Variants in BTBD9 observed in about 807,000 individuals in gnomAD.
BTBD9 encodes the protein BTB domain containing 9, also known as BTB/POZ domain-containing protein 9.
In BTBD9, 49 loss-of-function variants were observed where a neutral mutation model predicts 64.3. The ratio of observed to expected loss-of-function variants is 0.76; its 90% CI spans 0.61 to 0.97. The LOEUF (loss-of-function observed/expected upper bound fraction) is 0.97. Ranked by LOEUF, BTBD9 falls within the 50% of genes least tolerant of loss-of-function variation. The pLI, the probability that BTBD9 is intolerant of heterozygous loss-of-function variation, is 0.00. For synonymous variants in BTBD9, 260 were observed against 274.7 expected, an observed-to-expected ratio of 0.95 and a Z score of 0.53; for missense variants, 598 against 762.1, an observed-to-expected ratio of 0.78 and a Z score of 2.53.
rs567464640 is a variant in BTBD9 at position 38,308,769 on chromosome 6, C to T, written c.1265-20308G>A. 5.9e-5 allele frequency among the ~76,000 whole-genome samples: 9 copies of T among 151,836 alleles called. No homozygotes were observed. In the East Asian group the frequency reaches 1.8e-3, roughly 30 times the overall value. On this transcript the variant is annotated intron_variant, in intron 7 of 10. Coordinates refer to ENST00000481247, the MANE Select transcript of BTBD9 (RefSeq NM_001099272.2). ...TACAGGTATGTGCCACCAAGCCTGG[C>T]TTATTTATTTATTTATTTATTTTTT...
At position 38,577,701 on chromosome 6, in the gene BTBD9, A is replaced by G; in HGVS notation, c.1053T>C (p.Ile351=). ...DRDSRSYSYF[I]EVSMDELDWV... The stretch of plus-strand genomic sequence containing the variant: ...AATCAAGTTCATCCATTGACACTTC[A>G]ATGAAGTATGAGTAAGACCTGTGAA... The change falls in exon 6 of 11, where the codon ATT becomes ATC. Residue 351 remains isoleucine, a synonymous_variant. Coordinates refer to ENST00000481247, the MANE Select transcript of BTBD9 (RefSeq NM_001099272.2). The G allele has an allele frequency of 6.2e-7, 1 of 1,609,210 alleles. No individual in the cohort carries two copies. The highest frequency in any genetic ancestry group is 8.5e-7 in the Non-Finnish European group (1 of 1,179,454).
intron 6 of BTBD9, among the ~76,000 whole-genome samples, chr6:38,528,192 C>A (rs1218810174): frequency 6.6e-6 from 1 of 152,104 alleles, no homozygotes; most frequent in Admixed American, 6.5e-5. Flanking sequence ...CAGCACTGGG[C>A]AGAACTCAGT....
chr6:38,617,494 T>C (rs1344244284), intron 1 of BTBD9, among the ~76,000 whole-genome samples: 1 of 152,206 alleles, frequency 6.6e-6, no homozygotes, highest in Non-Finnish European at 1.5e-5. Flanking sequence ...TTCAGGACTC[T>C]GTTCCCTTCT....
At chr6:38,313,277 T>C (rs751685040) in intron 7 of BTBD9, among the ~76,000 whole-genome samples, 2 of 152,224 alleles carry the variant, frequency 1.3e-5, no homozygotes, top group Non-Finnish European at 2.9e-5. Context: ...TAATAATTTT[T>C]TGGTGGAGTC....
At chr6:38,521,487 T>C (rs1773270030) in intron 6 of BTBD9, among the ~76,000 whole-genome samples, 1 of 152,238 alleles carries the variant, frequency 6.6e-6, no homozygotes, top group African/African-American at 2.4e-5. Context: ...ATCTGCATTA[T>C]ACTTACTGGT....
chr6:38,359,078 G>A (rs1250255178), intron 6 of BTBD9, among the ~76,000 whole-genome samples: 1 of 152,208 alleles, frequency 6.6e-6, no homozygotes, highest in Non-Finnish European at 1.5e-5. Flanking sequence ...GCCGGATTGT[G>A]ACCTTTTTGT....
At chr6:38,593,029 A>G (rs1582688077) in intron 3 of BTBD9, among the ~76,000 whole-genome samples, 189 bp from the exon 4 acceptor site, 2 of 152,184 alleles carry the variant, frequency 1.3e-5, no homozygotes, top group African/African-American at 4.8e-5. Context: ...CGGTAGCACC[A>G]TTCTTTTATG....
At chr6:38,483,715 A>C (rs1771268056) in intron 6 of BTBD9, among the ~76,000 whole-genome samples, 1 of 152,092 alleles carries the variant, frequency 6.6e-6, no homozygotes, top group Admixed American at 6.6e-5. Flanking sequence ...ACCCCAAGCT[A>C]GTTTCTACTT....
At chr6:38,321,551 C>T (rs150946458) in intron 7 of BTBD9, among the ~76,000 whole-genome samples, 2 of 152,306 alleles carry the variant, frequency 1.3e-5, no homozygotes, top group Non-Finnish European at 2.9e-5. Context: ...CATGCTGGAT[C>T]TTTGAAAGGC....
intron 9 of BTBD9, among the ~76,000 whole-genome samples, chr6:38,246,209 A>G (rs893363949): frequency 6.6e-6 from 1 of 152,202 alleles, no homozygotes; most frequent in Non-Finnish European, 1.5e-5. Flanking sequence ...AATTTATAAT[A>G]AAAACTTCCT....
chr6:38,592,354 G>A (rs961376078), intron 4 of BTBD9, among the ~76,000 whole-genome samples: 2 of 152,046 alleles, frequency 1.3e-5, no homozygotes, highest in African/African-American at 4.8e-5. Flanking sequence ...ATCTGTCCAG[G>A]AATGGCAAGA....
chr6:38,408,591 C>T (rs550254206), intron 6 of BTBD9, among the ~76,000 whole-genome samples: 1 of 152,252 alleles, frequency 6.6e-6, no homozygotes, highest in Non-Finnish European at 1.5e-5. Flanking sequence ...TTGTTAAGGT[C>T]ACTATATTTG....
intron 6 of BTBD9, among the ~76,000 whole-genome samples, chr6:38,403,683 G>A (rs572376438): frequency 6.6e-6 from 1 of 152,158 alleles, no homozygotes; most frequent in African/African-American, 2.4e-5. Context: ...TCGTCAAAAA[G>A]TTAAAGACAG....
intron 10 of BTBD9, among the ~76,000 whole-genome samples, chr6:38,186,000 C>T (rs561299352): frequency 6.6e-6 from 1 of 152,322 alleles, no homozygotes; most frequent in Non-Finnish European, 1.5e-5. Context: ...ATCCTCACTC[C>T]TGCCTCCTAA....
intron 6 of BTBD9, among the ~76,000 whole-genome samples, chr6:38,396,590 T>C (rs1358449031): frequency 1.3e-5 from 2 of 152,226 alleles, no homozygotes; most frequent in Non-Finnish European, 2.9e-5. Context: ...CCCTTGCCAC[T>C]TTGGGCTGGA....
At position 38,592,604 on chromosome 6, in the gene BTBD9, A is replaced by G; in HGVS notation, c.786T>C (p.Asp262=). ...DAIKVRSESR[D]MDLNYRGMLI... ...GCATGCCTCTATAATTGAGGTCCAT[A>G]TCCCGGCTCTCAGATCGCACTTTAA... The change falls in exon 4 of 11, where the codon GAT becomes GAC. Residue 262 remains aspartate (D), a synonymous_variant. Transcript: ENST00000481247. The G allele has an allele frequency of 6.2e-7, 1 of 1,614,130 alleles. No homozygotes were observed. Among genetic ancestry groups the G allele is most frequent in the Non-Finnish European group, 8.5e-7 (1 of 1,180,024 alleles).
chr6:38,416,309 A>G (rs912579176), intron 6 of BTBD9, among the ~76,000 whole-genome samples: 11 of 150,102 alleles, frequency 7.3e-5, no homozygotes, highest in African/African-American at 2.5e-4. Context: ...AGTCAGCCCT[A>G]TGGAGGAGTC....
intron 2 of BTBD9, among the ~76,000 whole-genome samples, chr6:38,594,553 T>A (rs1776957415): frequency 6.6e-6 from 1 of 152,214 alleles, no homozygotes; most frequent in Non-Finnish European, 1.5e-5. Flanking sequence ...ACTAATGAGA[T>A]ACTCTGAAAG....
chr6:38,189,972 C>CG (rs1761985344), intron 10 of BTBD9, among the ~76,000 whole-genome samples: 2 of 110,890 alleles, frequency 1.8e-5, no homozygotes, highest in Non-Finnish European at 3.9e-5. Context: ...CCAGGCCCAG[C>CG]CTTTTTTTTT....
Sources: gnomAD v4.1 joint callset for allele counts (sites outside exome capture counted in the v4.1 genomes callset) on GRCh38, gnomAD v4.1.1 for gene constraint, MANE v1.5 for transcripts, NCBI Gene and HGNC (gene_info 2026-07-23, HGNC 2026-07-21) for gene names.